The following CNOT7 variants were observed in gnomAD, a reference collection of about 807,000 sequenced individuals.
CNOT7 encodes the protein CCR4-NOT transcription complex subunit 7.
In CNOT7, 4 loss-of-function variants were observed where a neutral mutation model predicts 37.1. That is an observed-to-expected ratio of 0.11 (90% confidence interval 0.05 to 0.25). The LOEUF (loss-of-function observed/expected upper bound fraction) is 0.25. Ranked by LOEUF, CNOT7 falls within the 10% of genes least tolerant of loss-of-function variation. The pLI is 1.00. For synonymous variants in CNOT7, 128 were observed against 115.6 expected, an observed-to-expected ratio of 1.11 and a Z score of -0.69; for missense variants, 170 against 336.2, an observed-to-expected ratio of 0.51 and a Z score of 3.87.
intron 6 of CNOT7, chr8:17,232,224 A>G: frequency 7.1e-7 from 1 of 1,407,224 alleles, no homozygotes; most frequent in South Asian, 1.6e-5. Flanking sequence ...TCTATGATGA[A>G]CATGTTCTCC....
At chr8:17,243,239 A>G in intron 2 of CNOT7, 54 bp from the exon 3 acceptor site, 2 of 1,389,230 alleles carry the variant, frequency 1.4e-6, no homozygotes, top group Non-Finnish European at 2.0e-6. Flanking sequence ...ACTACAATCC[A>G]CACATTTTTA....
chr8:17,235,297 A>G (rs1809201029), intron 4 of CNOT7, among the ~76,000 whole-genome samples: 1 of 152,248 alleles, frequency 6.6e-6, no homozygotes, highest in Non-Finnish European at 1.5e-5. Context: ...TTCGGTAGAC[A>G]AAAGTAATGC....
Position 17,237,307 on chromosome 8 carries a change from A to G in CNOT7, c.378T>C (p.His126=). 6.2e-7 allele frequency: 1 copy of G among 1,614,038 alleles called. No homozygotes were observed. Among genetic ancestry groups the G allele is most frequent in the Non-Finnish European group, 8.5e-7 (1 of 1,179,936 alleles). Residue 126 remains histidine (H), a synonymous_variant, in exon 4 of 7, where the codon CAT becomes CAC. Coordinates refer to ENST00000361272, the MANE Select transcript of CNOT7 (RefSeq NM_013354.7). ...LTTSGIQFKK[H]EEEGIETQYF... ...ACTGGGTTTCAATTCCTTCCTCCTC[A>G]TGTTTTTTAAACTGGATACCAGATG...
At chr8:17,237,508 A>C in intron 3 of CNOT7, 135 bp from the exon 4 acceptor site, 1 of 669,254 alleles carries the variant, frequency 1.5e-6, no homozygotes, top group Admixed American at 2.9e-5. Flanking sequence ...TCAATGCTTT[A>C]TATATATGCA....
rs1161828066 is a variant in CNOT7, at chr8:17,230,733, T to C, written c.845A>G (p.Asn282Ser). Reference protein sequence around the residue: ...GTGNAYEEEANKQS With the variant: ...GTGNAYEEEASKQS ...GACTATTTCATGTCATGACTGCTTG[T>C]TGGCTTCCTCTTCATATGCATTCCC... Residue 282 changes from asparagine (N) to serine (S), a missense_variant, in exon 7 of 7, where the codon AAC becomes AGC. Asn to Ser is a conservative substitution (Grantham distance 46). Transcript: ENST00000361272. 1 of 1,601,660 alleles carries C rather than the reference T, an allele frequency of 6.2e-7. No homozygotes were observed.
chr8:17,232,129 G>T (rs925376079), intron 6 of CNOT7: 1 of 1,064,484 alleles, frequency 9.4e-7, no homozygotes, highest in Middle Eastern at 3.9e-4. Flanking sequence ...AATCATGGAA[G>T]TTATTAGCCT....
chr8:17,243,923 ATTTG>A (rs1169746650), intron 2 of CNOT7, among the ~76,000 whole-genome samples: 1 of 152,206 alleles, frequency 6.6e-6, no homozygotes, highest in Non-Finnish European at 1.5e-5. Flanking sequence ...AAAGTAATGC[ATTTG>A]TTTATTTTTA....
rs1808300590 is a variant in CNOT7, at chr8:17,228,416, C to G, written c.*2304G>C. ...AAAATGTTCCTCTACAAAAGTTACA[C>G]TATACGGTTGCTCAACCTACAATGA... On this transcript the variant is annotated 3_prime_UTR_variant, in exon 7 of 7. Coordinates refer to ENST00000361272, the MANE Select transcript of CNOT7 (RefSeq NM_013354.7). The G allele has an allele frequency of 6.6e-6, 1 of 151,940 alleles. No individual in the cohort carries two copies. The highest frequency in any genetic ancestry group is 2.4e-5 in the African/African-American group (1 of 41,420). The allele number at this position is 151,940 out of a possible 1,614,324, so 9.4% of individuals were successfully genotyped here. A position where few individuals can be genotyped will look rare whatever the true frequency, so the allele number is the denominator to read the frequency against.
intron 4 of CNOT7, among the ~76,000 whole-genome samples, chr8:17,235,499 A>G (rs1222666840): frequency 6.6e-6 from 1 of 152,168 alleles, no homozygotes; most frequent in African/African-American, 2.4e-5. Context: ...GAAGAAGTGA[A>G]GGGTAGTAAA....
rs1375189506 is a variant in CNOT7, at chr8:17,226,583, A to C, written c.*4137T>G. ...CTTTAAAAGCATTTAATTGCAGTTA[A>C]ATGCTTTTAAAATTTAAAAATTTTC... On this transcript the variant is annotated 3_prime_UTR_variant, in exon 7 of 7. Coordinates refer to ENST00000361272, the MANE Select transcript of CNOT7 (RefSeq NM_013354.7). 6.6e-6 allele frequency: 1 copy of C among 151,692 alleles called. No homozygotes were observed. The allele number at this position is 151,692 out of a possible 1,614,324, so 9.4% of individuals were successfully genotyped here. A position where few individuals can be genotyped will look rare whatever the true frequency, so the allele number is the denominator to read the frequency against.
rs947088014 is a variant in CNOT7, at chr8:17,228,979, C to T, written c.*1741G>A. ...TATTTACTTTGTGAAGTATATCCTT[C>T]GGAATAAATGCATTCCTGGAAAGGA... On this transcript the variant is annotated 3_prime_UTR_variant, in exon 7 of 7. Coordinates refer to ENST00000361272, the MANE Select transcript of CNOT7 (RefSeq NM_013354.7). The T allele has an allele frequency of 8.6e-5, 13 of 151,936 alleles. No individual in the cohort carries two copies. The highest frequency in any genetic ancestry group is 8.3e-4 in the South Asian group (4 of 4,832). The allele number at this position is 151,936 out of a possible 1,614,324, so 9.4% of individuals were successfully genotyped here.
At chr8:17,234,380 G>A (rs1198956166) in intron 5 of CNOT7, among the ~76,000 whole-genome samples, 1 of 152,180 alleles carries the variant, frequency 6.6e-6, no homozygotes, top group Non-Finnish European at 1.5e-5. Context: ...TTGGGAGAAA[G>A]TAACAACTCA....
At chr8:17,246,012 G>C (rs1253581634) in intron 1 of CNOT7, 5 of 151,230 alleles carry the variant, frequency 3.3e-5, no homozygotes, top group African/African-American at 4.9e-5. Context: ...ACTCTGAAGA[G>C]TCACAAATGT....
chr8:17,231,764 T>A, intron 6 of CNOT7: 2 of 985,484 alleles, frequency 2.0e-6, no homozygotes, highest in Non-Finnish European at 2.4e-6. Flanking sequence ...TTCATTTAGT[T>A]TCATTCTTCC....
intron 4 of CNOT7, among the ~76,000 whole-genome samples, chr8:17,236,956 C>A (rs1809449092): frequency 6.6e-6 from 1 of 152,184 alleles, no homozygotes; most frequent in Non-Finnish European, 1.5e-5. Context: ...GGATTTAAAC[C>A]AGGGTCTTTC....
intron 3 of CNOT7, chr8:17,242,308 G>C (rs1196856554): frequency 6.6e-6 from 1 of 152,172 alleles, no homozygotes; most frequent in Non-Finnish European, 1.5e-5. Context: ...AACTTAGTTT[G>C]CAAATAATCT....
Position 17,232,350 on chromosome 8 carries a change from CA to C in CNOT7, c.729+76del, listed in dbSNP as rs554769601. 40 of 1,608,818 alleles carry C rather than the reference CA, an allele frequency of 2.5e-5. No homozygotes were observed. In the South Asian group the frequency reaches 4.3e-4, roughly 17 times the overall value. ...CTTTACTTAGTAGGTACTTGTTGCC[CA>C]AAATCTTTGGCCACAAGATTTTTAA... On this transcript the variant is annotated intron_variant, in intron 6 of 6. Coordinates refer to ENST00000361272, the MANE Select transcript of CNOT7 (RefSeq NM_013354.7).
intron 5 of CNOT7, 31 bp from the exon 6 acceptor site, chr8:17,232,568 AG>A: frequency 6.3e-7 from 1 of 1,595,760 alleles, no homozygotes; most frequent in Admixed American, 1.8e-5. Flanking sequence ...CTTGTCAAGA[AG>A]AAAAATCTTA....
At position 17,237,382 on chromosome 8, in the gene CNOT7, A is replaced by C. The variant is rs765992142; in HGVS notation, c.312-9T>G. The C allele has an allele frequency of 6.2e-7, 1 of 1,612,822 alleles. No individual in the cohort carries two copies. Among genetic ancestry groups the C allele is most frequent in the South Asian group, 1.1e-5 (1 of 91,022 alleles). ...GGGCATACATGTCCTCCCTGGCAGA[A>C]GAAAGAGAAAGACAACATTCAAACA... On this transcript the variant is annotated splice_polypyrimidine_tract_variant and intron_variant, in intron 3 of 6. Transcript: ENST00000361272.
Sources: allele counts gnomAD v4.1 joint callset (sites outside exome capture counted in the v4.1 genomes callset), GRCh38; gene constraint gnomAD v4.1.1; transcripts MANE v1.5; gene names NCBI Gene and HGNC (gene_info 2026-07-23, HGNC 2026-07-21).